Variants in TMC1 observed in about 807,000 individuals in gnomAD.
TMC1 encodes transmembrane channel-like protein 1.
Under a neutral mutation model 105.8 loss-of-function variants are expected in TMC1, and 84 were observed. That is an observed-to-expected ratio of 0.79 (90% CI 0.67 to 0.95). TMC1 has a LOEUF of 0.95. Among genes scored for constraint, TMC1 ranks in the 40% least tolerant of loss-of-function variants. TMC1 has a pLI of 0.00. For missense variants in TMC1, 817 were observed against 914.1 expected (o/e 0.89, Z 1.37); for synonymous variants, 315 against 311.5 (o/e 1.01, Z -0.12).
At chr9:72,539,459 C>G (rs1035110875) in intron 1 of TMC1, among the ~76,000 whole-genome samples, 20 of 152,062 alleles carry the variant, frequency 1.3e-4, no homozygotes, top group Non-Finnish European at 1.8e-4. Context: ...GGTCATCACT[C>G]TTAACTGCAG....
intron 5 of TMC1, among the ~76,000 whole-genome samples, chr9:72,685,245 T>C (rs1826360281): frequency 6.6e-6 from 1 of 151,572 alleles, no homozygotes; most frequent in Non-Finnish European, 1.5e-5. Flanking sequence ...TAGCTGGGAC[T>C]ACAGGCGCCC....
chr9:72,668,967 A>G (rs1300745474), intron 5 of TMC1, among the ~76,000 whole-genome samples: 2 of 152,116 alleles, frequency 1.3e-5, no homozygotes, highest in Non-Finnish European at 2.9e-5. Context: ...TCTCCCTACA[A>G]CTCATTTTTA....
intron 2 of TMC1, among the ~76,000 whole-genome samples, chr9:72,596,293 C>T (rs1587979441): frequency 6.6e-6 from 1 of 152,172 alleles, no homozygotes; most frequent in Non-Finnish European, 1.5e-5. Context: ...GAAAAAGGTG[C>T]TGGTCACTAG....
At chr9:72,821,898 G>A (rs1828881286) in intron 20 of TMC1, among the ~76,000 whole-genome samples, 1 of 152,176 alleles carries the variant, frequency 6.6e-6, no homozygotes, top group East Asian at 1.9e-4. Context: ...TGAGCATAAG[G>A]AGGGCCACCC....
chr9:72,759,341 A>G (rs914341735), intron 12 of TMC1, among the ~76,000 whole-genome samples: 2 of 152,268 alleles, frequency 1.3e-5, no homozygotes, highest in South Asian at 2.1e-4. Flanking sequence ...AAGGAATCCG[A>G]TCTCAAAGGA....
intron 2 of TMC1, among the ~76,000 whole-genome samples, chr9:72,579,845 A>G (rs1452687658): frequency 6.6e-6 from 1 of 152,160 alleles, no homozygotes; most frequent in Admixed American, 6.5e-5. Flanking sequence ...AACATGGCAT[A>G]ACCCTGTCTC....
intron 1 of TMC1, among the ~76,000 whole-genome samples, chr9:72,561,067 A>C (rs1249861630): frequency 6.6e-6 from 1 of 151,702 alleles, no homozygotes; most frequent in Non-Finnish European, 1.5e-5. Flanking sequence ...TAATCCCAGC[A>C]CTTTGGGAGG....
chr9:72,604,325 C>A (rs1423075451), intron 2 of TMC1, among the ~76,000 whole-genome samples: 3 of 151,996 alleles, frequency 2.0e-5, no homozygotes, highest in Admixed American at 2.0e-4. Context: ...TAAAAGAAAT[C>A]ACAAAATTAG....
At chr9:72,691,138 T>G (rs976357442) in intron 6 of TMC1, among the ~76,000 whole-genome samples, 10 of 152,194 alleles carry the variant, frequency 6.6e-5, no homozygotes, top group African/African-American at 2.4e-4. Flanking sequence ...TATTCTTCAG[T>G]TATTGTGTTC....
At chr9:72,759,084 T>A (rs1271146526) in intron 12 of TMC1, among the ~76,000 whole-genome samples, 2 of 152,074 alleles carry the variant, frequency 1.3e-5, no homozygotes, top group Non-Finnish European at 1.5e-5. Flanking sequence ...ACAGACCAGT[T>A]TTTACCCCTA....
At chr9:72,620,782 C>T (rs1175992362) in intron 3 of TMC1, among the ~76,000 whole-genome samples, 3 of 151,978 alleles carry the variant, frequency 2.0e-5, no homozygotes, top group Admixed American at 6.6e-5. Flanking sequence ...TATACATTGC[C>T]GTAGTTAGCT....
chr9:72,566,682 C>T (rs1295580162), intron 1 of TMC1, among the ~76,000 whole-genome samples: 3 of 152,166 alleles, frequency 2.0e-5, no homozygotes, highest in African/African-American at 4.8e-5. Context: ...CCTCAGACTC[C>T]GATAAAAAAG....
chr9:72,685,856 G>A (rs1588031284), intron 5 of TMC1, among the ~76,000 whole-genome samples: 1 of 152,152 alleles, frequency 6.6e-6, no homozygotes, highest in African/African-American at 2.4e-5. Context: ...GCTTCAAGAA[G>A]TAAATGTGGG....
intron 23 of TMC1, among the ~76,000 whole-genome samples, chr9:72,835,252 T>G (rs552313121): frequency 1.3e-5 from 2 of 152,316 alleles, no homozygotes; most frequent in African/African-American, 4.8e-5. Context: ...TTTCCTACAC[T>G]AGGAGAACAA....
intron 8 of TMC1, among the ~76,000 whole-genome samples, chr9:72,708,328 C>A (rs1325465901): frequency 6.6e-6 from 1 of 152,074 alleles, no homozygotes; most frequent in African/African-American, 2.4e-5. Context: ...ATGAGAATTG[C>A]ATTGAATTTG....
chr9:72,799,711 C>T (rs2118221100), intron 17 of TMC1, among the ~76,000 whole-genome samples: 1 of 152,172 alleles, frequency 6.6e-6, no homozygotes, highest in East Asian at 1.9e-4. Flanking sequence ...TACAGGAGTG[C>T]TTGTGATTCA....
chr9:72,536,942 G>A (rs1032522745), intron 1 of TMC1, among the ~76,000 whole-genome samples: 1 of 152,166 alleles, frequency 6.6e-6, no homozygotes, highest in Non-Finnish European at 1.5e-5. Flanking sequence ...GCAGACTTCT[G>A]CCTGCCTTCC....
chr9:72,562,322 A>G (rs1824069935), intron 1 of TMC1, among the ~76,000 whole-genome samples: 1 of 152,200 alleles, frequency 6.6e-6, no homozygotes, highest in Non-Finnish European at 1.5e-5. Context: ...AAAACATCCT[A>G]TGCTCAGTTA....
chr9:72,763,085 CTTTTT>C (rs148498655), intron 12 of TMC1, among the ~76,000 whole-genome samples: 3 of 109,508 alleles, frequency 2.7e-5, no homozygotes, highest in East Asian at 2.7e-4. Flanking sequence ...CTAGCGATGC[CTTTTT>C]TTTTTTTTTT....
Sources: allele counts gnomAD v4.1 joint callset (sites outside exome capture counted in the v4.1 genomes callset), GRCh38; gene constraint gnomAD v4.1.1; transcripts MANE v1.5; gene names NCBI Gene and HGNC (gene_info 2026-07-23, HGNC 2026-07-21).